Variants in CDH4 observed in about 807,000 individuals in gnomAD.
CDH4 encodes cadherin-4.
In CDH4, 33 loss-of-function variants were observed where a neutral mutation model predicts 86.0. That is an observed-to-expected ratio of 0.38 (90% CI 0.29 to 0.51). CDH4 has a LOEUF of 0.51. CDH4 is among the 20% of genes least tolerant of loss of function. CDH4 has a pLI of 0.86. For synonymous variants in CDH4, 555 were observed against 549.4 expected (o/e 1.01, Z -0.14); for missense variants, 1,114 against 1,307.4 (o/e 0.85, Z 2.28).
chr20:61,667,308 C>T (rs142192773), intron 2 of CDH4, among the ~76,000 whole-genome samples: 260 of 152,330 alleles, frequency 1.7e-3, no homozygotes, highest in African/African-American at 5.7e-3. Context: ...ATCCCGCCCA[C>T]CCTGGGGCTC....
intron 2 of CDH4, among the ~76,000 whole-genome samples, chr20:61,705,798 C>T (rs1293087248): frequency 6.6e-6 from 1 of 152,264 alleles, no homozygotes; most frequent in Non-Finnish European, 1.5e-5. Flanking sequence ...GAATCGCCGA[C>T]AGGCTCCATT....
rs1301147425 is a variant in CDH4, at chr20:61,894,769, G to GCGCC, written c.1051-139_1051-136dup. On this transcript the variant is annotated intron_variant, in intron 7 of 15. Coordinates refer to ENST00000614565, the MANE Select transcript of CDH4 (RefSeq NM_001794.5). ...AACCAGGAGGCTTGGAAAGGGCCCT[G>GCGCC]CGCCCAGCACACAGCCCCCAGTGAA... 7.9e-6 allele frequency: 7 copies of GCGCC among 882,182 alleles called. No individual in the cohort carries two copies. The African/African-American group carries it at 8.5e-5, about 11-fold the overall frequency. The allele number at this position is 882,182 out of a possible 1,614,324, so 54.6% of individuals were successfully genotyped here.
At chr20:61,528,390 A>AGGAGGGGAAGGGAGG (rs1370262204) in intron 2 of CDH4, among the ~76,000 whole-genome samples, 1 of 120,174 alleles carries the variant, frequency 8.3e-6, no homozygotes, top group Non-Finnish European at 1.7e-5. Flanking sequence ...GAAAGATGAG[A>AGGAGGGGAAGGGAGG]GGAGGGGAAG....
chr20:61,706,530 C>A (rs2087832265), intron 2 of CDH4, among the ~76,000 whole-genome samples: 1 of 152,162 alleles, frequency 6.6e-6, no homozygotes, highest in Non-Finnish European at 1.5e-5. Context: ...GACGAAGACT[C>A]CGGGGAGGAA....
chr20:61,625,342 T>C (rs1322271793), intron 2 of CDH4, among the ~76,000 whole-genome samples: 1 of 152,182 alleles, frequency 6.6e-6, no homozygotes, highest in East Asian at 1.9e-4. Flanking sequence ...TAAGGAGTTT[T>C]TTTTTCTTTC....
At chr20:61,914,785 T>C (rs1037509906) in intron 9 of CDH4, among the ~76,000 whole-genome samples, 1 of 152,174 alleles carries the variant, frequency 6.6e-6, no homozygotes, top group African/African-American at 2.4e-5. Context: ...GATTTGGGGC[T>C]TGGGGTGCAT....
At chr20:61,507,807 T>G (rs1200993103) in intron 2 of CDH4, among the ~76,000 whole-genome samples, 2 of 152,242 alleles carry the variant, frequency 1.3e-5, no homozygotes, top group African/African-American at 4.8e-5. Context: ...ATATTGGCAC[T>G]TATTCTAACA....
At position 61,480,304 on chromosome 20, in the gene CDH4, G is replaced by A. The variant is rs993463233; in HGVS notation, c.169+225367G>A. On this transcript the variant is annotated intron_variant, in intron 2 of 15. Transcript: ENST00000614565. This position sits in a 1 kb window ranked among gnomAD's most constrained non-coding sequence, Gnocchi z 5.2. ...GCCGGGGCAGCTGTGGCGCCCCCTG[G>A]CTGTGTCCTCTGCTTGGGCCACTGC... is the stretch of plus-strand genomic sequence containing the variant. 1.3e-5 allele frequency among the ~76,000 whole-genome samples: 2 copies of A among 152,150 alleles called. No individual in the cohort carries two copies. Among genetic ancestry groups the A allele is most frequent in the African/African-American group, 2.4e-5 (1 of 41,444 alleles).
At chr20:61,445,936 G>C (rs186629792) in intron 2 of CDH4, among the ~76,000 whole-genome samples, 2 of 152,210 alleles carry the variant, frequency 1.3e-5, no homozygotes, top group Non-Finnish European at 2.9e-5. Context: ...CCTCCAGAAC[G>C]CTGGCCCTGG....
At chr20:61,569,732 G>A (rs1370566215) in intron 2 of CDH4, among the ~76,000 whole-genome samples, 2 of 151,978 alleles carry the variant, frequency 1.3e-5, no homozygotes, top group Non-Finnish European at 2.9e-5. Flanking sequence ...CCATCCCAGA[G>A]CAGTCATTGC....
chr20:61,584,463 T>G (rs1429008544), intron 2 of CDH4, among the ~76,000 whole-genome samples: 1 of 152,140 alleles, frequency 6.6e-6, no homozygotes, highest in African/African-American at 2.4e-5. Flanking sequence ...CAGTTCTGCC[T>G]GTTTAACAAT....
At chr20:61,443,763 G>C (rs1041448202) in intron 2 of CDH4, among the ~76,000 whole-genome samples, 3 of 152,068 alleles carry the variant, frequency 2.0e-5, no homozygotes, top group African/African-American at 4.8e-5. Context: ...GCTTGGCTCT[G>C]TATGTGTGTG....
At chr20:61,472,600 AT>A (rs1213488563) in intron 2 of CDH4, among the ~76,000 whole-genome samples, 1 of 152,170 alleles carries the variant, frequency 6.6e-6, no homozygotes, top group Non-Finnish European at 1.5e-5. Context: ...ATAACCCACT[AT>A]TTTAAACTGA....
At chr20:61,687,235 A>G (rs1481953208) in intron 2 of CDH4, among the ~76,000 whole-genome samples, 1 of 152,106 alleles carries the variant, frequency 6.6e-6, no homozygotes, top group Non-Finnish European at 1.5e-5. Context: ...TCCCGTTTTT[A>G]TTTCTGACAC....
chr20:61,582,321 G>A lies in CDH4; in HGVS notation c.170-161242G>A, dbSNP rs962674003. On this transcript the variant is annotated intron_variant, in intron 2 of 15. Coordinates refer to ENST00000614565, the MANE Select transcript of CDH4 (RefSeq NM_001794.5). This position sits in a 1 kb window ranked among gnomAD's most constrained non-coding sequence, Gnocchi z 4.2. ...TTTCCATGAGCCAGGTGCCCTGCAC[G>A]GATCCGCTCTCCTCCTTATTGTTCA... Among the ~76,000 whole-genome samples, 2 of 152,024 alleles carry A rather than the reference G, an allele frequency of 1.3e-5. No individual in the cohort carries two copies. Among genetic ancestry groups the A allele is most frequent in the South Asian group, 2.1e-4 (1 of 4,826 alleles).
intron 2 of CDH4, among the ~76,000 whole-genome samples, chr20:61,331,668 G>GCCCAC (rs1568801248): frequency 3.2e-3 from 114 of 36,082 alleles, no homozygotes; most frequent in Non-Finnish European, 4.2e-3. Flanking sequence ...CCTGCCCCAG[G>GCCCAC]CTCACCTCCT....
At chr20:61,730,120 G>A (rs1432071870) in intron 2 of CDH4, among the ~76,000 whole-genome samples, 4 of 152,054 alleles carry the variant, frequency 2.6e-5, no homozygotes, top group African/African-American at 4.8e-5. Flanking sequence ...TAGGACTGAC[G>A]GACAATGGAA....
Position 61,565,295 on chromosome 20 carries a change from G to A in CDH4, c.170-178268G>A, listed in dbSNP as rs1256125335. ...TCCTCTTGGTGATGGGGTGATGGTGGTGGCGGTGCTCTTGGTGGTGGCGGT... is the reference window on the plus strand; with the variant it reads ...TCCTCTTGGTGATGGGGTGATGGTGATGGCGGTGCTCTTGGTGGTGGCGGT... On this transcript the variant is annotated intron_variant, in intron 2 of 15. Transcript: ENST00000614565. Among the ~76,000 whole-genome samples the A allele has an allele frequency of 5.9e-5, 4 of 68,356 alleles. 2 individuals carry two copies. The highest frequency in any genetic ancestry group is 1.2e-4 in the Non-Finnish European group (4 of 33,206). The allele number at this position is 68,356 out of a possible 152,430, so 44.8% of individuals were successfully genotyped here.
chr20:61,669,888 C>T (rs573100973), intron 2 of CDH4, among the ~76,000 whole-genome samples: 28 of 152,224 alleles, frequency 1.8e-4, no homozygotes, highest in African/African-American at 5.5e-4. Context: ...AATAGAAGAG[C>T]GGGTTCTGCT....
Sources: allele counts gnomAD v4.1 joint callset (sites outside exome capture counted in the v4.1 genomes callset), GRCh38; gene constraint gnomAD v4.1.1; non-coding constraint Gnocchi (gnomAD v3.1); transcripts MANE v1.5; gene names NCBI Gene and HGNC (gene_info 2026-07-23, HGNC 2026-07-21).